The following CLRN2 variants were observed in gnomAD, a reference collection of about 807,000 sequenced individuals.
CLRN2 encodes clarin-2.
A neutral mutation model predicts 20.1 loss-of-function variants in CLRN2; 17 were observed. That is an observed-to-expected ratio of 0.85 (90% confidence interval 0.58 to 1.27). CLRN2 has a LOEUF of 1.27. Ranked by LOEUF, CLRN2 falls within the 50% of genes most tolerant of loss-of-function variation. The pLI, the probability that CLRN2 is intolerant of heterozygous loss-of-function variation, is 0.00. For synonymous variants in CLRN2, 140 were observed against 126.9 expected (o/e 1.10, Z -0.70); for missense variants, 288 against 299.5 (o/e 0.96, Z 0.28).
chr4:17,524,336 G>A (rs942473359), intron 2 of CLRN2, among the ~76,000 whole-genome samples: 1 of 152,000 alleles, frequency 6.6e-6, no homozygotes, highest in African/African-American at 2.4e-5. Flanking sequence ...ACAGAATCTT[G>A]TGAAATGAGG....
intron 1 of CLRN2, among the ~76,000 whole-genome samples, chr4:17,521,273 C>G (rs114012316): frequency 1.6e-4 from 25 of 152,254 alleles, no homozygotes; most frequent in African/African-American, 5.8e-4. Context: ...CATCAGAACG[C>G]ACAATGTAAA....
intron 1 of CLRN2, among the ~76,000 whole-genome samples, chr4:17,516,423 C>G (rs1251473975): frequency 6.6e-5 from 10 of 152,162 alleles, no homozygotes; most frequent in Non-Finnish European, 8.8e-5. Context: ...TAATCAATAC[C>G]ATGCCAATGT....
Position 17,515,661 on chromosome 4 carries a change from G to A in CLRN2, c.253+142G>A, listed in dbSNP as rs1288447790. 5 of 868,556 alleles carry A rather than the reference G, an allele frequency of 5.8e-6. No homozygotes were observed. The South Asian group carries it at 9.2e-5, about 16-fold the overall frequency. 53.8% of individuals were successfully genotyped at this position (868,556 alleles called of 1,614,324 possible). A position where few individuals can be genotyped will look rare whatever the true frequency, so the allele number is the denominator to read the frequency against. On this transcript the variant is annotated intron_variant, in intron 1 of 2. Coordinates refer to ENST00000511148, the MANE Select transcript of CLRN2 (RefSeq NM_001079827.2). Reference sequence around the variant, plus strand: ...AAGTCCACAGTGAGCCAAGGGTTCTGGATCCACATCAAAAAGATCTTTCCT... The same window carrying A: ...AAGTCCACAGTGAGCCAAGGGTTCTAGATCCACATCAAAAAGATCTTTCCT...
intron 2 of CLRN2, among the ~76,000 whole-genome samples, chr4:17,525,397 A>T (rs1284549427): frequency 6.6e-6 from 1 of 152,178 alleles, no homozygotes; most frequent in Non-Finnish European, 1.5e-5. Flanking sequence ...GCACTTGGGG[A>T]TGCTGAGGCA....
In CLRN2 at chr4:17,526,860, G is replaced by A. The variant is rs374245458; in HGVS notation, c.477G>A (p.Val159=). ...ALAIASFVAA[V]KFHDLTERIA... ...CCATCGCCAGCTTCGTGGCTGCGGT[G>A]AAATTTCACGACCTGACGGAACGAA... Residue 159 remains valine, a synonymous_variant, in exon 3 of 3, where the codon GTG becomes GTA. Transcript: ENST00000511148. 5.6e-6 allele frequency: 9 copies of A among 1,614,004 alleles called. No homozygotes were observed. In the African/African-American group the frequency reaches 1.2e-4, roughly 22 times the overall value.
At chr4:17,516,494 T>C (rs778502587) in intron 1 of CLRN2, among the ~76,000 whole-genome samples, 50 of 152,218 alleles carry the variant, frequency 3.3e-4, no homozygotes, top group Non-Finnish European at 6.8e-4. Flanking sequence ...TAGTAGTTTA[T>C]AGAAATCTGG....
At position 17,515,201 on chromosome 4, in the gene CLRN2, A is replaced by G. The variant is rs987951673; in HGVS notation, c.-66A>G. 1 of 1,578,078 alleles carries G rather than the reference A, an allele frequency of 6.3e-7. No individual in the cohort carries two copies. Among genetic ancestry groups the G allele is most frequent in the African/African-American group, 1.3e-5 (1 of 74,198 alleles). ...ACCTTGGAGCAGAGCATTGCCGAGT[A>G]TCTGAAAGATGTCAATGACCCTCGC... On this transcript the variant is annotated 5_prime_UTR_variant, in exon 1 of 3. Coordinates refer to ENST00000511148, the MANE Select transcript of CLRN2 (RefSeq NM_001079827.2).
At chr4:17,518,317 G>C (rs978562898) in intron 1 of CLRN2, among the ~76,000 whole-genome samples, 6 of 152,146 alleles carry the variant, frequency 3.9e-5, no homozygotes, top group Non-Finnish European at 5.9e-5. Context: ...ATAAAAACAA[G>C]TCAACATGGC....
intron 2 of CLRN2, among the ~76,000 whole-genome samples, chr4:17,524,235 T>TGTGTGTGTGTGTGTGTGTGC (rs762042329): frequency 5.0e-5 from 7 of 139,966 alleles, no homozygotes; most frequent in African/African-American, 1.1e-4. Context: ...TGTGTGTGTG[T>TGTGTGTGTGTGTGTGTGTGC]GCGCGCGCAT....
intron 1 of CLRN2, among the ~76,000 whole-genome samples, chr4:17,518,145 G>C (rs1227469607): frequency 6.6e-6 from 1 of 151,992 alleles, no homozygotes; most frequent in Non-Finnish European, 1.5e-5. Flanking sequence ...CTGGGATGGG[G>C]AGGTTTATTG....
At chr4:17,522,521 C>A (rs1711857777) in intron 1 of CLRN2, among the ~76,000 whole-genome samples, 1 of 152,172 alleles carries the variant, frequency 6.6e-6, no homozygotes, top group South Asian at 2.1e-4. Context: ...GTCCTTCATA[C>A]ATGGGGATAA....
chr4:17,519,113 C>T (rs1711770517), intron 1 of CLRN2, among the ~76,000 whole-genome samples: 1 of 152,196 alleles, frequency 6.6e-6, no homozygotes, highest in South Asian at 2.1e-4. Context: ...CTTATTTGCC[C>T]TGCTGGGGCG....
Position 17,527,085 on chromosome 4 carries a change from GCCTTCC to G in CLRN2, c.*7_*12del. The G allele has an allele frequency of 6.2e-7, 1 of 1,613,300 alleles. No homozygotes were observed. Among genetic ancestry groups the G allele is most frequent in the Non-Finnish European group, 8.5e-7 (1 of 1,179,620 alleles). On this transcript the variant is annotated 3_prime_UTR_variant, in exon 3 of 3. Coordinates refer to ENST00000511148, the MANE Select transcript of CLRN2 (RefSeq NM_001079827.2). ...CAGCTGAGGATATCTTGTATTAATA[GCCTTCC>G]CCTGTTCACAACCTGTCCTAAGTCA...
rs766570551 is a variant in CLRN2 at position 17,515,287 on chromosome 4, G to C, written c.21G>C (p.Lys7Asn). ...CTAGCATGCCTGGATGGTTCAAAAA[G>C]GCGTGGTATGGGCTGGCGTCTTTAC... MPGWFK[K>N]AWYGLASLLS... Residue 7 changes from lysine (K) to asparagine (N), a missense_variant, in exon 1 of 3, where the codon AAG becomes AAC. Lys to Asn is a moderately conservative substitution (Grantham distance 94). Coordinates refer to ENST00000511148, the MANE Select transcript of CLRN2 (RefSeq NM_001079827.2). 10 of 1,613,800 alleles carry C rather than the reference G, an allele frequency of 6.2e-6. No homozygotes were observed. The highest frequency in any genetic ancestry group is 8.5e-6 in the Non-Finnish European group (10 of 1,179,912).
chr4:17,523,097 C>T, intron 2 of CLRN2, 54 bp downstream of exon 2: 1 of 1,483,576 alleles, frequency 6.7e-7, no homozygotes, highest in Non-Finnish European at 9.1e-7. Flanking sequence ...TAGGGCTGGG[C>T]TCCAAGTAGT....
chr4:17,517,198 A>G (rs1711699473), intron 1 of CLRN2, among the ~76,000 whole-genome samples: 1 of 152,196 alleles, frequency 6.6e-6, no homozygotes, highest in Admixed American at 6.5e-5. Flanking sequence ...TCTTCCTGTG[A>G]TATGGGTACA....
intron 2 of CLRN2, among the ~76,000 whole-genome samples, 174 bp downstream of exon 2, chr4:17,523,217 T>C (rs1711877873): frequency 6.7e-6 from 1 of 150,126 alleles, no homozygotes; most frequent in Non-Finnish European, 1.5e-5. Flanking sequence ...CTTTTTCTTT[T>C]TTTTTTTTTT....
chr4:17,516,316 C>T (rs1577199737), intron 1 of CLRN2, among the ~76,000 whole-genome samples: 1 of 152,130 alleles, frequency 6.6e-6, no homozygotes, highest in Admixed American at 6.5e-5. Flanking sequence ...GACTTAGGAA[C>T]GGGCTTCTGG....
At chr4:17,519,377 C>T (rs1711780722) in intron 1 of CLRN2, among the ~76,000 whole-genome samples, 1 of 152,174 alleles carries the variant, frequency 6.6e-6, no homozygotes, top group Non-Finnish European at 1.5e-5. Context: ...AATTTTAAAC[C>T]TCTACTTATC....
Sources: allele counts gnomAD v4.1 joint callset (sites outside exome capture counted in the v4.1 genomes callset), GRCh38; gene constraint gnomAD v4.1.1; transcripts MANE v1.5; gene names NCBI Gene and HGNC (gene_info 2026-07-23, HGNC 2026-07-21).